Variants in PCDHA1 observed in about 807,000 individuals in gnomAD.
PCDHA1 encodes the protein protocadherin alpha 1.
Under a neutral mutation model 61.3 loss-of-function variants are expected in PCDHA1, and 42 were observed. That is an observed-to-expected ratio of 0.69 (90% confidence interval 0.54 to 0.89). The LOEUF is 0.89. Among genes scored for constraint, PCDHA1 ranks in the 40% least tolerant of loss-of-function variants. The pLI is 0.00. For synonymous variants in PCDHA1, 610 were observed against 553.8 expected, an observed-to-expected ratio of 1.10 and a Z score of -1.43; for missense variants, 1,256 against 1,235.3, an observed-to-expected ratio of 1.02 and a Z score of -0.25.
At chr5:140,802,663 T>C (rs1328452691) in intron 1 of PCDHA1, 3 of 1,613,528 alleles carry the variant, frequency 1.9e-6, no homozygotes, top group Non-Finnish European at 2.5e-6. Context: ...GAGAACGCCC[T>C]GGTGTCCTAC....
rs542968986 is a variant in PCDHA1, at chr5:141,005,917, A to T, written c.2543-3710A>T. On this transcript the variant is annotated intron_variant, in intron 3 of 3. Transcript: ENST00000504120. ...AGCAATGATTGCACCACTGCACTTCAGCCTGGTTGACAGAGTGAGAACCTA... is the reference window on the plus strand; with the variant it reads ...AGCAATGATTGCACCACTGCACTTCTGCCTGGTTGACAGAGTGAGAACCTA... Among the ~76,000 whole-genome samples the T allele has an allele frequency of 4.5e-4, 69 of 152,156 alleles. No homozygotes were observed. In the South Asian group the frequency reaches 0.013, roughly 28 times the overall value.
At chr5:140,875,997 T>C in intron 1 of PCDHA1, 13 of 1,613,924 alleles carry the variant, frequency 8.1e-6, no homozygotes, top group South Asian at 1.1e-5. Context: ...TAAGTCTAAA[T>C]GAGAATTTTG....
At chr5:140,941,220 TTTC>T (rs2092903024) in intron 1 of PCDHA1, among the ~76,000 whole-genome samples, 1 of 131,326 alleles carries the variant, frequency 7.6e-6, no homozygotes, top group Non-Finnish European at 1.6e-5. Flanking sequence ...TCTTCCTTTC[TTTC>T]TTTCTTTCTT....
chr5:141,000,419 A>ATTTTT (rs1563652468), intron 3 of PCDHA1, among the ~76,000 whole-genome samples: 15 of 60,994 alleles, frequency 2.5e-4, no homozygotes, highest in East Asian at 5.4e-4. Flanking sequence ...ATATATATAT[A>ATTTTT]TATTTTTTTT....
intron 1 of PCDHA1, among the ~76,000 whole-genome samples, chr5:140,878,373 T>G (rs944129613): frequency 2.2e-4 from 34 of 152,258 alleles, no homozygotes; most frequent in African/African-American, 8.0e-4. Flanking sequence ...TGACATATGA[T>G]GAATGATTTT....
intron 1 of PCDHA1, among the ~76,000 whole-genome samples, chr5:140,887,272 AT>A (rs2061386056): frequency 6.6e-6 from 1 of 151,690 alleles, no homozygotes; most frequent in South Asian, 2.1e-4. Context: ...AATTTTTTGT[AT>A]TTTTAGTAGA....
intron 1 of PCDHA1, among the ~76,000 whole-genome samples, chr5:140,791,341 A>G (rs1474428413): frequency 6.6e-6 from 1 of 152,222 alleles, no homozygotes; most frequent in Admixed American, 6.5e-5. Flanking sequence ...TGTTACAGCA[A>G]TTACATAAGC....
At chr5:140,990,708 T>G (rs1201090744) in intron 3 of PCDHA1, among the ~76,000 whole-genome samples, 3 of 152,190 alleles carry the variant, frequency 2.0e-5, no homozygotes, top group African/African-American at 7.2e-5. Context: ...TTTATGGGGA[T>G]AAGAGCATCA....
At chr5:140,932,145 C>G (rs1231469475) in intron 1 of PCDHA1, among the ~76,000 whole-genome samples, 2 of 151,710 alleles carry the variant, frequency 1.3e-5, no homozygotes, top group African/African-American at 4.8e-5. Context: ...AAAATTGATT[C>G]ACTGATTGTA....
chr5:140,828,973 C>T (rs2150161482), intron 1 of PCDHA1: 4 of 1,614,140 alleles, frequency 2.5e-6, no homozygotes, highest in East Asian at 4.5e-5. Flanking sequence ...ACCACTTTAG[C>T]ATAGATCGAA....
chr5:140,853,170 C>G, intron 1 of PCDHA1: 1 of 964,208 alleles, frequency 1.0e-6, no homozygotes, highest in South Asian at 4.8e-5. Flanking sequence ...TGAGCCACCG[C>G]GCCTGGCCTA....
intron 1 of PCDHA1, chr5:140,801,302 C>G (rs905551581): frequency 6.2e-7 from 1 of 1,613,482 alleles, no homozygotes; most frequent in East Asian, 2.2e-5. Flanking sequence ...ACTACTCCGT[C>G]TCTGAGGAGG....
At chr5:140,856,763 C>G (rs1004781576) in intron 1 of PCDHA1, 3 of 1,596,086 alleles carry the variant, frequency 1.9e-6, no homozygotes, top group Admixed American at 1.7e-5. Flanking sequence ...TGATAACGCC[C>G]CTATCTTTGA....
At chr5:140,824,202 T>C in intron 1 of PCDHA1, 1 of 1,595,300 alleles carries the variant, frequency 6.3e-7, no homozygotes, top group African/African-American at 1.3e-5. Flanking sequence ...ACCCACTTTT[T>C]TTGTATTTAA....
chr5:140,836,745 C>T, intron 1 of PCDHA1: 1 of 1,588,116 alleles, frequency 6.3e-7, no homozygotes, highest in Non-Finnish European at 8.6e-7. Flanking sequence ...CAATGTGAGT[C>T]ATAAATAATC....
chr5:140,914,145 G>A lies in PCDHA1; in HGVS notation c.2395-64804G>A, dbSNP rs2076623510. Among the ~76,000 whole-genome samples the A allele has an allele frequency of 3.3e-5, 5 of 152,138 alleles. 1 individual carries two copies. The South Asian group carries it at 1.0e-3, about 32-fold the overall frequency. On this transcript the variant is annotated intron_variant, in intron 1 of 3. Transcript: ENST00000504120. ...TTCTTTGTTGAGTTTTTGTCTGTCAGTTCTGTCCAATACGGAAAGTGGGGT... is the reference window on the plus strand; with the variant it reads ...TTCTTTGTTGAGTTTTTGTCTGTCAATTCTGTCCAATACGGAAAGTGGGGT...
At chr5:140,912,441 G>A (rs1460671133) in intron 1 of PCDHA1, among the ~76,000 whole-genome samples, 2 of 151,478 alleles carry the variant, frequency 1.3e-5, no homozygotes, top group Non-Finnish European at 2.9e-5. Flanking sequence ...GCTGATTTGT[G>A]TGCATTGATT....
intron 1 of PCDHA1, chr5:140,803,264 G>A (rs782371333): frequency 4.3e-6 from 7 of 1,613,848 alleles, no homozygotes; most frequent in African/African-American, 1.3e-5. Flanking sequence ...CCACGGGCCC[G>A]GAAGCTGCAC....
chr5:140,849,560 C>T, intron 1 of PCDHA1: 1 of 1,598,572 alleles, frequency 6.3e-7, no homozygotes, highest in Non-Finnish European at 8.6e-7. Context: ...TCAAAACGCT[C>T]TCGGTTCCTG....
Sources: gnomAD v4.1 joint callset for allele counts (sites outside exome capture counted in the v4.1 genomes callset) on GRCh38, gnomAD v4.1.1 for gene constraint, MANE v1.5 for transcripts, NCBI Gene and HGNC (gene_info 2026-07-23, HGNC 2026-07-21) for gene names.